GPRC5B: variants seen among roughly 807,000 people sequenced by gnomAD.
The protein encoded by GPRC5B is G protein-coupled receptor family C group 5 member B.
GPRC5B carries 16 observed loss-of-function variants against 30.1 expected under a neutral mutation model. The observed-to-expected ratio is 0.53, with a 90% confidence interval of 0.36 to 0.81. The LOEUF (loss-of-function observed/expected upper bound fraction) is 0.81. Ranked by LOEUF, GPRC5B falls within the 30% of genes least tolerant of loss-of-function variation. The pLI is 0.01. For synonymous variants in GPRC5B, 241 were observed against 239.5 expected (o/e 1.01, Z -0.06); for missense variants, 428 against 544.7 (o/e 0.79, Z 2.13).
At chr16:19,882,234 T>A (rs2056813300) in intron 1 of GPRC5B, 1 of 152,188 alleles carries the variant, frequency 6.6e-6, no homozygotes, top group African/African-American at 2.4e-5. Flanking sequence ...AAAATCCTCA[T>A]AGGTTAGTAA....
In GPRC5B at chr16:19,872,407, C is replaced by A; in HGVS notation, c.439G>T (p.Val147Leu). Residue 147 changes from valine (V) to leucine (L), a missense_variant, in exon 2 of 4, where the codon GTG (valine) becomes TTG (leucine). Coordinates refer to ENST00000300571, the MANE Select transcript of GPRC5B (RefSeq NM_016235.3). The surrounding 1 kb of genome is among the most constrained non-coding windows in gnomAD (Gnocchi z 5.0). ...GTGCCATGCCGCACCAGCCTCCGCACGCGCCATGCCTGGCTCAGCAGGCAG... is the reference window on the plus strand; with the variant it reads ...GTGCCATGCCGCACCAGCCTCCGCAAGCGCCATGCCTGGCTCAGCAGGCAG... ...FSCLLSQAWR[V>L]RRLVRHGTGP... 1.2e-6 allele frequency: 2 copies of A among 1,613,536 alleles called. No homozygotes were observed. Among genetic ancestry groups the A allele is most frequent in the East Asian group, 2.2e-5 (1 of 44,852 alleles).
chr16:19,865,517 A>G (rs912368956), intron 2 of GPRC5B, among the ~76,000 whole-genome samples: 5 of 152,252 alleles, frequency 3.3e-5, no homozygotes, highest in African/African-American at 1.2e-4. Context: ...TGGCTTTATT[A>G]TACATCATTT....
Position 19,858,526 on chromosome 16 carries a change from C to CG in GPRC5B, c.*1973dup, listed in dbSNP as rs558079687. ...GAAAGCTCCAAAGGACTCCAGAGAG[C>CG]GGGGGTGAGTAACCATTTCCTGGCA... On this transcript the variant is annotated 3_prime_UTR_variant, in exon 4 of 4. Coordinates refer to ENST00000300571, the MANE Select transcript of GPRC5B (RefSeq NM_016235.3). 29 of 692,512 alleles carry CG rather than the reference C, an allele frequency of 4.2e-5. No homozygotes were observed. Among genetic ancestry groups the CG allele is most frequent in the Non-Finnish European group, 6.6e-5 (25 of 380,356 alleles). The allele number at this position is 692,512 out of a possible 1,614,324, so 42.9% of individuals were successfully genotyped here.
intron 1 of GPRC5B, among the ~76,000 whole-genome samples, chr16:19,880,428 T>TAAAATAAAATAAAATA (rs1555459094): frequency 2.2e-5 from 3 of 139,296 alleles, no homozygotes; most frequent in East Asian, 4.3e-4. Context: ...GTCTCTGTTA[T>TAAAATAAAATAAAATA]AAATAAAATA....
intron 2 of GPRC5B, among the ~76,000 whole-genome samples, chr16:19,864,732 G>A (rs2141139862): frequency 6.6e-6 from 1 of 152,308 alleles, no homozygotes; most frequent in African/African-American, 2.4e-5. Context: ...TGCCTCATGG[G>A]GCCTGGTTCC....
upstream of GPRC5B, chr16:19,885,327 A>G (rs1164138782): frequency 8.2e-7 from 1 of 1,225,646 alleles, no homozygotes; most frequent in Non-Finnish European, 1.0e-6. The surrounding 1 kb of genome is among the most constrained non-coding windows in gnomAD (Gnocchi z 5.3). Context: ...CAGGACGCAG[A>G]GAGGATCGAT....
At position 19,858,383 on chromosome 16, in the gene GPRC5B, T is replaced by G; in HGVS notation, c.*2117A>C. 1 of 497,338 alleles carries G rather than the reference T, an allele frequency of 2.0e-6. No homozygotes were observed. The highest frequency in any genetic ancestry group is 3.6e-6 in the Non-Finnish European group (1 of 277,682). 30.8% of individuals were successfully genotyped at this position (497,338 alleles called of 1,614,324 possible). A position where few individuals can be genotyped will look rare whatever the true frequency, so the allele number is the denominator to read the frequency against. ...TGGCTCAAAGATGGCTCTGTTCTTA[T>G]GCTGGGGAAGCACGACTTTCCATGG... On this transcript the variant is annotated 3_prime_UTR_variant, in exon 4 of 4. Coordinates refer to ENST00000300571, the MANE Select transcript of GPRC5B (RefSeq NM_016235.3).
Position 19,856,790 on chromosome 16 carries a change from T to G in GPRC5B, c.*3710A>C. ...CATTTTATTCATTCATCCAGATTACTTCTTCAGTGCCTCAGGAGTATTCTT... is the reference window on the plus strand; with the variant it reads ...CATTTTATTCATTCATCCAGATTACGTCTTCAGTGCCTCAGGAGTATTCTT... On this transcript the variant is annotated 3_prime_UTR_variant, in exon 4 of 4. Transcript: ENST00000300571. 6 of 494,476 alleles carry G rather than the reference T, an allele frequency of 1.2e-5. No individual in the cohort carries two copies. Among genetic ancestry groups the G allele is most frequent in the Admixed American group, 3.7e-5 (1 of 27,224 alleles). The allele number at this position is 494,476 out of a possible 1,614,324, so 30.6% of individuals were successfully genotyped here. A position where few individuals can be genotyped will look rare whatever the true frequency, so the allele number is the denominator to read the frequency against.
chr16:19,871,609 C>T (rs986698628), intron 2 of GPRC5B, among the ~76,000 whole-genome samples: 15 of 152,244 alleles, frequency 9.9e-5, no homozygotes, highest in Non-Finnish European at 1.3e-4. Context: ...GTGACAAGAG[C>T]GAAAATCTGT....
At chr16:19,867,491 C>G (rs1349707374) in intron 2 of GPRC5B, among the ~76,000 whole-genome samples, 1 of 152,202 alleles carries the variant, frequency 6.6e-6, no homozygotes, top group Non-Finnish European at 1.5e-5. Flanking sequence ...AGTTATCTTA[C>G]ACTGTAAAGG....
rs763742771 is a variant in GPRC5B at position 19,872,171 on chromosome 16, C to T, written c.675G>A (p.Lys225=). ...CCCCGTTCAGCTTCCACCTCTTGAA[C>T]TTGCCGCACAGAGTGAAGAGGGCCA... is the stretch of plus-strand genomic sequence containing the variant. The part of the protein sequence containing the change: ...LGLALFTLCG[K]FKRWKLNGAF... Residue 225 remains lysine, a synonymous_variant, in exon 2 of 4, where the codon AAG becomes AAA. Transcript: ENST00000300571. The surrounding 1 kb of genome is among the most constrained non-coding windows in gnomAD (Gnocchi z 5.0). 2.5e-5 allele frequency: 40 copies of T among 1,614,180 alleles called. 2 individuals carry two copies. The South Asian group carries it at 4.1e-4, about 16-fold the overall frequency.
rs569629335 is a variant in GPRC5B at position 19,871,800 on chromosome 16, G to A, written c.1030+16C>T. The A allele has an allele frequency of 1.2e-6, 2 of 1,606,446 alleles. No homozygotes were observed. The highest frequency in any genetic ancestry group is 4.5e-5 in the East Asian group (2 of 44,726). ...TGGTCCCCCGGCCTGACCCAGCCGG[G>A]TGGTGCCCACTTTACCTGCATTGTG... On this transcript the variant is annotated intron_variant, in intron 2 of 3. Coordinates refer to ENST00000300571, the MANE Select transcript of GPRC5B (RefSeq NM_016235.3).
intron 1 of GPRC5B, among the ~76,000 whole-genome samples, chr16:19,879,915 G>T (rs1411442012): frequency 6.6e-6 from 1 of 151,910 alleles, no homozygotes. Flanking sequence ...CAGGCAAATC[G>T]CTTGAGCCCA....
At chr16:19,885,201 A>G, upstream of GPRC5B, 2 of 1,287,740 alleles carry the variant, frequency 1.6e-6, no homozygotes, top group Non-Finnish European at 2.0e-6. The surrounding 1 kb of genome is among the most constrained non-coding windows in gnomAD (Gnocchi z 5.3). Flanking sequence ...CAATACACTT[A>G]CCGAGGGAGG....
At chr16:19,879,145 G>A (rs1047258445) in intron 1 of GPRC5B, among the ~76,000 whole-genome samples, 13 of 152,018 alleles carry the variant, frequency 8.6e-5, no homozygotes, top group Admixed American at 7.2e-4. Context: ...TCCCACCCCC[G>A]AGAGCTGGGC....
chr16:19,859,928 C>T lies in GPRC5B; in HGVS notation c.*572G>A, dbSNP rs550420148. 5.3e-3 allele frequency: 818 copies of T among 153,262 alleles called. 6 individuals carry two copies. The highest frequency in any genetic ancestry group is 9.5e-3 in the Non-Finnish European group (652 of 68,452). The allele number at this position is 153,262 out of a possible 1,614,324, so 9.5% of individuals were successfully genotyped here. A position where few individuals can be genotyped will look rare whatever the true frequency, so the allele number is the denominator to read the frequency against. ...TCTACTGGCTATAAAGCTCACCCCA[C>T]GATTCAGTTGGGCCTCACCTTGGAA... On this transcript the variant is annotated 3_prime_UTR_variant, in exon 4 of 4. Coordinates refer to ENST00000300571, the MANE Select transcript of GPRC5B (RefSeq NM_016235.3).
intron 2 of GPRC5B, among the ~76,000 whole-genome samples, chr16:19,862,840 C>G (rs2056638340): frequency 1.3e-5 from 2 of 152,176 alleles, no homozygotes; most frequent in African/African-American, 2.4e-5. Context: ...TCGCTTGAAC[C>G]CGGGAGGTTA....
At chr16:19,879,698 T>C (rs1353340308) in intron 1 of GPRC5B, among the ~76,000 whole-genome samples, 2 of 152,160 alleles carry the variant, frequency 1.3e-5, no homozygotes, top group Non-Finnish European at 2.9e-5. Context: ...CTTGTGACTC[T>C]GGGCAGCTGC....
At position 19,859,636 on chromosome 16, in the gene GPRC5B, G is replaced by C. The variant is rs1333172196; in HGVS notation, c.*864C>G. 1 of 152,234 alleles carries C rather than the reference G, an allele frequency of 6.6e-6. No homozygotes were observed. Among genetic ancestry groups the C allele is most frequent in the Non-Finnish European group, 1.5e-5 (1 of 68,066 alleles). The allele number at this position is 152,234 out of a possible 1,614,324, so 9.4% of individuals were successfully genotyped here. ...GAGACCCCATTGGAGCTCTTGAAAT[G>C]AATAAGGGAATAAAATTGGGAGAGG... is the stretch of plus-strand genomic sequence containing the variant. On this transcript the variant is annotated 3_prime_UTR_variant, in exon 4 of 4. Coordinates refer to ENST00000300571, the MANE Select transcript of GPRC5B (RefSeq NM_016235.3).
Sources: gnomAD v4.1 joint callset for allele counts (sites outside exome capture counted in the v4.1 genomes callset) on GRCh38, gnomAD v4.1.1 for gene constraint, Gnocchi (gnomAD v3.1) non-coding constraint, MANE v1.5 for transcripts, NCBI Gene and HGNC (gene_info 2026-07-23, HGNC 2026-07-21) for gene names.